The following ASS1 variants were observed in gnomAD, a reference collection of about 807,000 sequenced individuals.
The protein encoded by ASS1 is argininosuccinate synthase 1.
Under a neutral mutation model 60.5 loss-of-function variants are expected in ASS1, and 58 were observed. That is an observed-to-expected ratio of 0.96 (90% CI 0.78 to 1.19). The LOEUF (loss-of-function observed/expected upper bound fraction) is 1.19, where lower values mean the gene tolerates loss of function less well. Among genes scored for constraint, ASS1 ranks in the 50% most tolerant of loss-of-function variants. ASS1 has a pLI of 0.00. For synonymous variants in ASS1, 200 were observed against 206.9 expected (o/e 0.97, Z 0.29); for missense variants, 454 against 547.3 (o/e 0.83, Z 1.70).
chr9:130,492,525 C>T lies in ASS1; in HGVS notation c.971-2342C>T, dbSNP rs150392637. Among the ~76,000 whole-genome samples the T allele has an allele frequency of 2.6e-3, 401 of 152,278 alleles. 1 individual carries two copies. The highest frequency in any genetic ancestry group is 9.1e-3 in the African/African-American group (376 of 41,540). Reference sequence around the variant, plus strand: ...GCTCCCTCTCCTCTCCCACCATTCCCAAATTTCCTGGTCTGGCTGTGTGAG... The same window carrying T: ...GCTCCCTCTCCTCTCCCACCATTCCTAAATTTCCTGGTCTGGCTGTGTGAG... On this transcript the variant is annotated intron_variant, in intron 12 of 14. Transcript: ENST00000352480.
intron 11 of ASS1, among the ~76,000 whole-genome samples, chr9:130,484,991 G>A (rs1012802507): frequency 2.6e-5 from 4 of 152,186 alleles, no homozygotes; most frequent in Non-Finnish European, 5.9e-5. Flanking sequence ...GCCTGGGAGG[G>A]TGGCAGCCAG....
intron 14 of ASS1, among the ~76,000 whole-genome samples, chr9:130,500,553 C>T (rs1846726089): frequency 6.6e-6 from 1 of 152,112 alleles, no homozygotes; most frequent in South Asian, 2.1e-4. Flanking sequence ...GGAGGCACCT[C>T]ATGCCCCGAG....
intron 4 of ASS1, among the ~76,000 whole-genome samples, chr9:130,462,376 G>A (rs538145572): frequency 1.3e-4 from 20 of 152,260 alleles, no homozygotes; most frequent in Non-Finnish European, 2.1e-4. Context: ...CCTTCTCCCC[G>A]GAAAGCTGCC....
chr9:130,496,616 A>G (rs908497513), intron 13 of ASS1, among the ~76,000 whole-genome samples: 7 of 151,272 alleles, frequency 4.6e-5, no homozygotes, highest in African/African-American at 7.3e-5. Flanking sequence ...AAAAAAAAAA[A>G]AGGAAACACA....
chr9:130,448,813 C>T (rs1845259152), intron 1 of ASS1, among the ~76,000 whole-genome samples: 1 of 152,192 alleles, frequency 6.6e-6, no homozygotes, highest in Admixed American at 6.5e-5. Context: ...ATCCACCCAC[C>T]TCGGCCGTCC....
chr9:130,461,270 C>CCCA (rs1471643872), intron 4 of ASS1, among the ~76,000 whole-genome samples: 1 of 152,162 alleles, frequency 6.6e-6, no homozygotes. Flanking sequence ...TGCGGAGACC[C>CCCA]CCACCCCGGA....
In ASS1 at chr9:130,491,488, C is replaced by G. The variant is rs1226378656; in HGVS notation, c.970+2024C>G. 6.6e-6 allele frequency among the ~76,000 whole-genome samples: 1 copy of G among 152,218 alleles called. No homozygotes were observed. Among genetic ancestry groups the G allele is most frequent in the African/African-American group, 2.4e-5 (1 of 41,448 alleles). Reference sequence around the variant, plus strand: ...AAACGGAGGCCCCCAGGTGAAGACACTCACCCAGGCTCTCCTGGCTGGTGA... The same window carrying G: ...AAACGGAGGCCCCCAGGTGAAGACAGTCACCCAGGCTCTCCTGGCTGGTGA... On this transcript the variant is annotated intron_variant, in intron 12 of 14. Coordinates refer to ENST00000352480, the MANE Select transcript of ASS1 (RefSeq NM_054012.4). The surrounding 1 kb of genome is among the most constrained non-coding windows in gnomAD (Gnocchi z 5.3).
intron 1 of ASS1, among the ~76,000 whole-genome samples, chr9:130,450,871 T>C (rs896565265): frequency 6.6e-6 from 1 of 152,204 alleles, no homozygotes; most frequent in Non-Finnish European, 1.5e-5. Context: ...ACTCTGACCT[T>C]GTGACGTTGG....
Position 130,491,298 on chromosome 9 carries a change from G to A in ASS1, c.970+1834G>A, listed in dbSNP as rs1354656312. ...TACAAAGTGAGAGAGTCATTAAGACGTGGCGGAGGAGAGAGCACCTGGCCG... is the reference window on the plus strand; with the variant it reads ...TACAAAGTGAGAGAGTCATTAAGACATGGCGGAGGAGAGAGCACCTGGCCG... On this transcript the variant is annotated intron_variant, in intron 12 of 14. Transcript: ENST00000352480. The surrounding 1 kb of genome is among the most constrained non-coding windows in gnomAD (Gnocchi z 5.3). 5.3e-5 allele frequency among the ~76,000 whole-genome samples: 8 copies of A among 152,174 alleles called. No individual in the cohort carries two copies. Among genetic ancestry groups the A allele is most frequent in the African/African-American group, 1.2e-4 (5 of 41,448 alleles).
rs1403877099 is a variant in ASS1, at chr9:130,470,899, C to T, written c.561C>T (p.His187=). 2 of 1,613,870 alleles carry T rather than the reference C, an allele frequency of 1.2e-6. No individual in the cohort carries two copies. The highest frequency in any genetic ancestry group is 3.3e-5 in the Admixed American group (2 of 60,012). ...GGAGCATGGATGAGAACCTCATGCACATCAGGTAAATCCCACCCTCCACCC... is the reference window on the plus strand; with the variant it reads ...GGAGCATGGATGAGAACCTCATGCATATCAGGTAAATCCCACCCTCCACCC... ...NPWSMDENLM[H]ISYEAGILEN... Residue 187 remains histidine (H), a synonymous_variant, in exon 7 of 15, where the codon CAC becomes CAT. Transcript: ENST00000352480. This position sits in a 1 kb window ranked among gnomAD's most constrained non-coding sequence, Gnocchi z 4.3.
intron 4 of ASS1, 145 bp downstream of exon 4, chr9:130,458,734 TGA>T: frequency 8.5e-7 from 1 of 1,176,302 alleles, no homozygotes; most frequent in Non-Finnish European, 1.2e-6. Context: ...TAGACCCCAA[TGA>T]GAGGGGTAAC....
intron 11 of ASS1, among the ~76,000 whole-genome samples, chr9:130,480,665 T>C (rs1453346069): frequency 1.3e-5 from 2 of 152,200 alleles, no homozygotes; most frequent in Admixed American, 6.5e-5. Context: ...TGAGAAGAGC[T>C]GTCCAAGGGC....
chr9:130,445,251 TCC>T, intron 1 of ASS1: 2 of 176,630 alleles, frequency 1.1e-5, no homozygotes, highest in Non-Finnish European at 1.5e-5. Context: ...GGGGCGCGAG[TCC>T]CCGGGTCCGA....
At chr9:130,490,824 T>C (rs1846431300) in intron 12 of ASS1, among the ~76,000 whole-genome samples, 1 of 152,052 alleles carries the variant, frequency 6.6e-6, no homozygotes, top group Non-Finnish European at 1.5e-5. Context: ...AAATATTGAC[T>C]CTCTGGCCCT....
chr9:130,447,500 G>A lies in ASS1; in HGVS notation c.-6+2505G>A, dbSNP rs896123817. On this transcript the variant is annotated intron_variant, in intron 1 of 14. Coordinates refer to ENST00000352480, the MANE Select transcript of ASS1 (RefSeq NM_054012.4). ...GGAAGCTGGACAGATGGCTGTGGCT[G>A]GGGCCACAGAGAATGCCATCCCAAT... Among the ~76,000 whole-genome samples, 3 of 152,362 alleles carry A rather than the reference G, an allele frequency of 2.0e-5. No individual in the cohort carries two copies. The East Asian group carries it at 5.8e-4, about 29-fold the overall frequency.
chr9:130,493,167 T>G (rs562198481), intron 12 of ASS1, among the ~76,000 whole-genome samples: 1 of 152,128 alleles, frequency 6.6e-6, no homozygotes, highest in Non-Finnish European at 1.5e-5. Context: ...GAAAAAGCCC[T>G]GGGCCAGAGT....
In ASS1 at chr9:130,454,368, A is replaced by G. The variant is rs779222693; in HGVS notation, c.169A>G (p.Lys57Glu). ...GAAGAAGGCACTGAAGCTTGGGGCC[A>G]AAAAGGTACCAGGCGGGAGGCAGGG... Reference protein sequence around the residue: ...ARKKALKLGAKKVFIEDVSRE... With the variant: ...ARKKALKLGAEKVFIEDVSRE... Residue 57 changes from lysine (K) to glutamate (E), a missense_variant, in exon 3 of 15, where the codon AAA becomes GAA. Coordinates refer to ENST00000352480, the MANE Select transcript of ASS1 (RefSeq NM_054012.4). 1.9e-6 allele frequency: 3 copies of G among 1,613,148 alleles called. No homozygotes were observed. The highest frequency in any genetic ancestry group is 2.2e-5 in the South Asian group (2 of 90,918).
At position 130,491,451 on chromosome 9, in the gene ASS1, G is replaced by A. The variant is rs891417976; in HGVS notation, c.970+1987G>A. On this transcript the variant is annotated intron_variant, in intron 12 of 14. Coordinates refer to ENST00000352480, the MANE Select transcript of ASS1 (RefSeq NM_054012.4). This position sits in a 1 kb window ranked among gnomAD's most constrained non-coding sequence, Gnocchi z 5.3. Reference sequence around the variant, plus strand: ...TGGGGTATTATCTAATATTAGCTGCGCAGAGGTGAGGAAACGGAGGCCCCC... The same window carrying A: ...TGGGGTATTATCTAATATTAGCTGCACAGAGGTGAGGAAACGGAGGCCCCC... Among the ~76,000 whole-genome samples, 4 of 152,170 alleles carry A rather than the reference G, an allele frequency of 2.6e-5. No individual in the cohort carries two copies. In the East Asian group the frequency reaches 5.8e-4, roughly 22 times the overall value.
intron 11 of ASS1, among the ~76,000 whole-genome samples, chr9:130,487,385 C>A (rs1450083710): frequency 6.8e-6 from 1 of 146,504 alleles, no homozygotes; most frequent in Non-Finnish European, 1.5e-5. Flanking sequence ...AGAGTCAAAA[C>A]CAATATCCTT....
Sources: gnomAD v4.1 joint callset for allele counts (sites outside exome capture counted in the v4.1 genomes callset) on GRCh38, gnomAD v4.1.1 for gene constraint, Gnocchi (gnomAD v3.1) non-coding constraint, MANE v1.5 for transcripts, NCBI Gene and HGNC (gene_info 2026-07-23, HGNC 2026-07-21) for gene names.